SLCO6A1: variants seen among roughly 807,000 people sequenced by gnomAD.
The protein encoded by SLCO6A1 is solute carrier organic anion transporter family member 6A1.
A neutral mutation model predicts 72.7 loss-of-function variants in SLCO6A1; 65 were observed. That is an observed-to-expected ratio of 0.89 (90% CI 0.73 to 1.10). The LOEUF (loss-of-function observed/expected upper bound fraction) is 1.10, where lower values mean the gene tolerates loss of function less well. SLCO6A1 is among the 50% of genes least tolerant of loss of function. SLCO6A1 has a pLI of 0.00. For synonymous variants in SLCO6A1, 314 were observed against 298.2 expected (o/e 1.05, Z -0.55); for missense variants, 874 against 872.6 (o/e 1.00, Z -0.02).
intron 6 of SLCO6A1, among the ~76,000 whole-genome samples, chr5:102,443,721 C>T (rs568534678): frequency 6.6e-6 from 1 of 152,272 alleles, no homozygotes; most frequent in Admixed American, 6.5e-5. Flanking sequence ...CATAGATTTC[C>T]TTCCAATAAA....
chr5:102,432,417 T>C (rs1454508122), intron 7 of SLCO6A1, among the ~76,000 whole-genome samples: 2 of 152,208 alleles, frequency 1.3e-5, no homozygotes, highest in East Asian at 1.9e-4. Flanking sequence ...GGAGCTCTTG[T>C]AAGGCAGGTC....
chr5:102,440,453 C>G (rs1051606473), intron 6 of SLCO6A1, among the ~76,000 whole-genome samples: 1 of 152,124 alleles, frequency 6.6e-6, no homozygotes, highest in Non-Finnish European at 1.5e-5. Flanking sequence ...TCCCATCACC[C>G]CTAGATGGGA....
chr5:102,401,707 T>A (rs2084826), intron 9 of SLCO6A1, among the ~76,000 whole-genome samples: 97,976 of 151,862 alleles, frequency 0.65, 31,793 homozygotes, highest in African/African-American at 0.66. Flanking sequence ...TGACTTTTAG[T>A]CAAGGGAGGC....
intron 7 of SLCO6A1, among the ~76,000 whole-genome samples, chr5:102,420,879 CAGA>C (rs1748556067): frequency 6.6e-6 from 1 of 152,070 alleles, no homozygotes. Flanking sequence ...GAGACCAATG[CAGA>C]AGGTGAGTGA....
At position 102,477,732 on chromosome 5, in the gene SLCO6A1, A is replaced by G. The variant is rs947070861; in HGVS notation, c.746T>C (p.Leu249Pro). The change falls in exon 3 of 14, where the codon CTT becomes CCT. Residue 249 changes from leucine to proline, a missense_variant. By Grantham distance (98) the Leu-to-Pro change is moderately conservative (BLOSUM62 -3). Transcript: ENST00000506729. ...QGIAGMPLYI[L>P]GITFIDENVA... is the part of the protein sequence containing the mutation. ...ATTCTCATCAATAAAGGTTATTCCA[A>G]GGATATAAAGAGGCATTCCTGCTAT... 1.9e-6 allele frequency: 3 copies of G among 1,613,636 alleles called. No individual in the cohort carries two copies. In the African/African-American group the frequency reaches 4.0e-5, roughly 22 times the overall value.
At chr5:102,450,617 C>A (rs532722401) in intron 6 of SLCO6A1, among the ~76,000 whole-genome samples, 1 of 152,322 alleles carries the variant, frequency 6.6e-6, no homozygotes, top group Non-Finnish European at 1.5e-5. Context: ...AGCCCTGGGG[C>A]AAGCTGATGC....
At chr5:102,463,994 A>C (rs1320231934) in intron 4 of SLCO6A1, among the ~76,000 whole-genome samples, 1 of 152,152 alleles carries the variant, frequency 6.6e-6, no homozygotes, top group African/African-American at 2.4e-5. Flanking sequence ...AGCTATGAGC[A>C]TGTAAAGGCA....
intron 6 of SLCO6A1, among the ~76,000 whole-genome samples, chr5:102,450,463 AGGT>A (rs1276690906): frequency 5.9e-5 from 9 of 152,334 alleles, no homozygotes; most frequent in Admixed American, 4.6e-4. Flanking sequence ...CATGGCCAGT[AGGT>A]GGGCTCTTGC....
chr5:102,456,525 C>T (rs1227880286), intron 6 of SLCO6A1, among the ~76,000 whole-genome samples: 1 of 152,056 alleles, frequency 6.6e-6, no homozygotes, highest in African/African-American at 2.4e-5. Flanking sequence ...GAATAAAATA[C>T]CTAGGAATCC....
At chr5:102,478,255 T>A (rs1021343478) in intron 2 of SLCO6A1, among the ~76,000 whole-genome samples, 1 of 148,478 alleles carries the variant, frequency 6.7e-6, no homozygotes, top group African/African-American at 2.4e-5. Flanking sequence ...ATTGTATATA[T>A]GTGTGCATAA....
chr5:102,414,957 C>T (rs1028256999), intron 8 of SLCO6A1, among the ~76,000 whole-genome samples: 7 of 151,468 alleles, frequency 4.6e-5, no homozygotes, highest in Non-Finnish European at 1.0e-4. Flanking sequence ...ATAAGGCAAG[C>T]TTGTTTACAA....
chr5:102,410,072 G>T (rs1198104269), intron 9 of SLCO6A1, among the ~76,000 whole-genome samples: 2 of 152,110 alleles, frequency 1.3e-5, no homozygotes, highest in Non-Finnish European at 2.9e-5. Context: ...CCTGTGTCCA[G>T]GAAGAATGAG....
At chr5:102,406,724 T>A (rs1747689480) in intron 9 of SLCO6A1, among the ~76,000 whole-genome samples, 1 of 152,120 alleles carries the variant, frequency 6.6e-6, no homozygotes, top group African/African-American at 2.4e-5. Context: ...TTATGTAGAA[T>A]TTCACCAGAG....
intron 1 of SLCO6A1, among the ~76,000 whole-genome samples, chr5:102,486,419 T>C (rs892577333): frequency 4.6e-5 from 7 of 152,140 alleles, no homozygotes; most frequent in African/African-American, 1.7e-4. Context: ...GATTCATTCA[T>C]TGAATACTTT....
intron 6 of SLCO6A1, among the ~76,000 whole-genome samples, chr5:102,443,829 T>A (rs1423113208): frequency 6.6e-6 from 1 of 152,172 alleles, no homozygotes; most frequent in East Asian, 1.9e-4. Flanking sequence ...CAAATAAATA[T>A]ACAAAGAGTT....
intron 6 of SLCO6A1, among the ~76,000 whole-genome samples, chr5:102,447,412 G>C (rs1213995760): frequency 1.3e-5 from 2 of 152,112 alleles, no homozygotes; most frequent in African/African-American, 4.8e-5. Flanking sequence ...CCTCCCCCTT[G>C]ATTTTTTTAG....
At chr5:102,440,681 A>C (rs1749787217) in intron 6 of SLCO6A1, among the ~76,000 whole-genome samples, 1 of 152,172 alleles carries the variant, frequency 6.6e-6, no homozygotes, top group Non-Finnish European at 1.5e-5. Context: ...TATAGTTGAG[A>C]GGGACAAGCC....
intron 12 of SLCO6A1, among the ~76,000 whole-genome samples, chr5:102,376,121 T>C (rs2112468876): frequency 6.6e-6 from 1 of 152,304 alleles, no homozygotes; most frequent in South Asian, 2.1e-4. Context: ...CCAGAAACAA[T>C]GGAGACCAGA....
At chr5:102,374,913 T>C (rs1745697026) in intron 12 of SLCO6A1, among the ~76,000 whole-genome samples, 1 of 152,120 alleles carries the variant, frequency 6.6e-6, no homozygotes, top group South Asian at 2.1e-4. Context: ...AATCTTCTGT[T>C]TAAAGACTTG....
Sources: gnomAD v4.1 joint callset for allele counts (sites outside exome capture counted in the v4.1 genomes callset) on GRCh38, gnomAD v4.1.1 for gene constraint, MANE v1.5 for transcripts, NCBI Gene and HGNC (gene_info 2026-07-23, HGNC 2026-07-21) for gene names.